RABGAP1: variants seen among roughly 807,000 people sequenced by gnomAD.
RABGAP1 encodes the protein rab GTPase-activating protein 1.
RABGAP1 carries 23 observed loss-of-function variants against 137.6 expected under a neutral mutation model. The ratio of observed to expected loss-of-function variants is 0.17; its 90% CI spans 0.12 to 0.24. RABGAP1 has a LOEUF of 0.24. Among genes scored for constraint, RABGAP1 ranks in the 10% least tolerant of loss-of-function variants. RABGAP1 has a pLI of 1.00. For synonymous variants in RABGAP1, 451 were observed against 450.7 expected (o/e 1.00, Z -0.01); for missense variants, 906 against 1,275.8 (o/e 0.71, Z 4.42).
At chr9:123,035,895 A>G (rs2032631006) in intron 13 of RABGAP1, among the ~76,000 whole-genome samples, 1 of 152,206 alleles carries the variant, frequency 6.6e-6, no homozygotes, top group Non-Finnish European at 1.5e-5. Context: ...TACAGTTCTC[A>G]GATTTAAAAT....
rs74578352 is a variant in RABGAP1, at chr9:123,085,380, T to C, written c.2425-4378T>C. Among the ~76,000 whole-genome samples the C allele has an allele frequency of 2.9e-3, 447 of 152,302 alleles. 2 individuals carry two copies. The highest frequency in any genetic ancestry group is 0.01 in the African/African-American group (423 of 41,558). ...CATGGCTCTCAGGAGACTTTCAAAG[T>C]AGTGCTATTTCTAACGGTGTTAAGA... On this transcript the variant is annotated intron_variant, in intron 19 of 25. Coordinates refer to ENST00000373647, the MANE Select transcript of RABGAP1 (RefSeq NM_012197.4).
At chr9:123,001,461 C>T (rs1837322173) in intron 10 of RABGAP1, among the ~76,000 whole-genome samples, 2 of 152,216 alleles carry the variant, frequency 1.3e-5, no homozygotes, top group Non-Finnish European at 2.9e-5. Flanking sequence ...TTCTAGTATA[C>T]CCAAGTTAGC....
At chr9:123,032,968 CAAA>C (rs2032386573) in intron 13 of RABGAP1, among the ~76,000 whole-genome samples, 2 of 152,136 alleles carry the variant, frequency 1.3e-5, no homozygotes, top group Non-Finnish European at 2.9e-5. Flanking sequence ...TACTGCTCAG[CAAA>C]TTAGAAGCAA....
At position 122,996,120 on chromosome 9, in the gene RABGAP1, CA is replaced by C; in HGVS notation, c.1006del (p.Thr336GlnfsTer30). On this transcript the variant is annotated frameshift_variant, in exon 7 of 26. Transcript: ENST00000373647. LOFTEE classifies it high-confidence loss of function. ...TAAGAAGATTGTCATCTATGTGCAG[CA>C]AACAACTAATAAAGAACTTGCCATT... ...IDKKIVIYVQ[Q>X]TTNKELAIER... 1 of 1,612,194 alleles carries C rather than the reference CA, an allele frequency of 6.2e-7. No homozygotes were observed. Among genetic ancestry groups the C allele is most frequent in the Non-Finnish European group, 8.5e-7 (1 of 1,179,512 alleles).
chr9:123,101,907 C>G, intron 25 of RABGAP1, 144 bp downstream of exon 25: 1 of 826,076 alleles, frequency 1.2e-6, no homozygotes, highest in East Asian at 2.9e-5. Flanking sequence ...AAATATAGGA[C>G]TTGTTACTGG....
At chr9:122,963,584 T>C (rs1834969474) in intron 2 of RABGAP1, among the ~76,000 whole-genome samples, 1 of 152,140 alleles carries the variant, frequency 6.6e-6, no homozygotes, top group African/African-American at 2.4e-5. Context: ...AAAATGCAGA[T>C]ACAATATACT....
At chr9:122,979,264 T>C (rs950935867) in intron 2 of RABGAP1, among the ~76,000 whole-genome samples, 6 of 152,186 alleles carry the variant, frequency 3.9e-5, no homozygotes, top group Non-Finnish European at 7.4e-5. Context: ...TGGCTAGTAA[T>C]GTTGAGTTTC....
chr9:122,949,783 A>G (rs1439362203), intron 1 of RABGAP1, among the ~76,000 whole-genome samples: 2 of 152,272 alleles, frequency 1.3e-5, no homozygotes, highest in East Asian at 3.9e-4. Context: ...ACTAAAAAAC[A>G]AAAAGCCTGA....
chr9:122,984,779 C>A, intron 3 of RABGAP1, 60 bp downstream of exon 3: 1 of 1,446,286 alleles, frequency 6.9e-7, no homozygotes, highest in Non-Finnish European at 9.6e-7. Context: ...TGTGAGTGTC[C>A]ACCCTGTACT....
intron 6 of RABGAP1, among the ~76,000 whole-genome samples, chr9:122,995,023 A>G (rs1361787366): frequency 6.6e-6 from 1 of 152,146 alleles, no homozygotes; most frequent in East Asian, 1.9e-4. Context: ...AGGTTGAGGC[A>G]GGAAGATAGC....
At chr9:123,036,137 A>G (rs2032646831) in intron 13 of RABGAP1, among the ~76,000 whole-genome samples, 1 of 152,238 alleles carries the variant, frequency 6.6e-6, no homozygotes, top group Non-Finnish European at 1.5e-5. Context: ...AAGTTTCAAC[A>G]CTGTCATTTA....
At chr9:123,056,634 GC>G (rs1203758962) in intron 13 of RABGAP1, among the ~76,000 whole-genome samples, 2 of 150,688 alleles carry the variant, frequency 1.3e-5, no homozygotes, top group Non-Finnish European at 3.0e-5. Context: ...GCGGCCTTCC[GC>G]AGTGTTTGTG....
chr9:123,017,390 C>G (rs1157482110), intron 12 of RABGAP1, among the ~76,000 whole-genome samples: 1 of 152,192 alleles, frequency 6.6e-6, no homozygotes, highest in Non-Finnish European at 1.5e-5. Context: ...GAGTTTCCAT[C>G]TGTGTCTGCC....
intron 13 of RABGAP1, among the ~76,000 whole-genome samples, chr9:123,052,649 G>T (rs1011004634): frequency 6.6e-6 from 1 of 152,200 alleles, no homozygotes; most frequent in Non-Finnish European, 1.5e-5. Flanking sequence ...TTGCATACAG[G>T]CTGGGTGCGG....
intron 2 of RABGAP1, among the ~76,000 whole-genome samples, chr9:122,968,920 T>C (rs1307781194): frequency 1.3e-5 from 2 of 152,212 alleles, no homozygotes; most frequent in East Asian, 3.8e-4. Flanking sequence ...CAGCTAGTTA[T>C]TTTTAAATGT....
Position 122,986,260 on chromosome 9 carries a change from G to C in RABGAP1, c.431G>C (p.Ser144Thr). Residue 144 changes from serine (S) to threonine (T), a missense_variant, in exon 4 of 26, where the codon AGC becomes ACC. This residue lies in a region of RABGAP1 where 331 missense variants were observed against 358.3 expected (regional missense o/e 0.92). Coordinates refer to ENST00000373647, the MANE Select transcript of RABGAP1 (RefSeq NM_012197.4). ...TTCACACCAGTGGCCGATGAGGACA[G>C]CGTAGTTTTCAGTAAACTGACTTAC... The part of the protein sequence containing the change: ...SPFTPVADED[S>T]VVFSKLTYLG... 1 of 1,614,202 alleles carries C rather than the reference G, an allele frequency of 6.2e-7. No individual in the cohort carries two copies. Among genetic ancestry groups the C allele is most frequent in the East Asian group, 2.2e-5 (1 of 44,878 alleles).
intron 19 of RABGAP1, among the ~76,000 whole-genome samples, chr9:123,077,557 A>G (rs1475240070): frequency 6.6e-6 from 1 of 152,022 alleles, no homozygotes; most frequent in Non-Finnish European, 1.5e-5. Context: ...GATTCGCACA[A>G]TTTTTTTAAA....
intron 2 of RABGAP1, among the ~76,000 whole-genome samples, chr9:122,977,963 G>A (rs1160677277): frequency 6.6e-6 from 1 of 152,140 alleles, no homozygotes; most frequent in East Asian, 1.9e-4. Flanking sequence ...GAACAGTTGT[G>A]TTCTCAAATT....
At chr9:123,055,969 G>T (rs911955970) in intron 13 of RABGAP1, among the ~76,000 whole-genome samples, 1 of 152,140 alleles carries the variant, frequency 6.6e-6, no homozygotes, top group African/African-American at 2.4e-5. Flanking sequence ...ATCAATGTAG[G>T]TTTGTTTTCT....
Sources: gnomAD v4.1 joint callset for allele counts (sites outside exome capture counted in the v4.1 genomes callset) on GRCh38, gnomAD v4.1.1 for gene constraint, gnomAD v4.1.1 regional missense constraint, MANE v1.5 for transcripts, NCBI Gene and HGNC (gene_info 2026-07-23, HGNC 2026-07-21) for gene names.